NANOS3: variants seen among roughly 807,000 people sequenced by gnomAD.
NANOS3 encodes the protein nanos homolog 3.
In NANOS3, 11 loss-of-function variants were observed where a neutral mutation model predicts 13.8. The ratio of observed to expected loss-of-function variants is 0.80; its 90% CI spans 0.50 to 1.32. The LOEUF (loss-of-function observed/expected upper bound fraction) is 1.32, where lower values mean the gene tolerates loss of function less well. NANOS3 is among the 40% of genes most tolerant of loss of function. The pLI, the probability that NANOS3 is intolerant of heterozygous loss-of-function variation, is 0.00. For synonymous variants in NANOS3, 119 were observed against 115.4 expected, an observed-to-expected ratio of 1.03 and a Z score of -0.20; for missense variants, 221 against 263.8, an observed-to-expected ratio of 0.84 and a Z score of 1.12.
At chr19:13,862,894 C>G (rs1259195899), upstream of NANOS3, among the ~76,000 whole-genome samples, 2 of 152,232 alleles carry the variant, frequency 1.3e-5, no homozygotes, top group Non-Finnish European at 2.9e-5. Flanking sequence ...CCATCTGGGC[C>G]TCGGTTGCCC....
chr19:13,865,184 AG>A (rs1249666500), upstream of NANOS3, among the ~76,000 whole-genome samples: 4 of 144,450 alleles, frequency 2.8e-5, no homozygotes, highest in African/African-American at 1.0e-4. Context: ...GGGAGGAGGG[AG>A]GGGGCGGCGG....
upstream of NANOS3, chr19:13,875,151 G>A (rs1490262676): frequency 3.3e-6 from 1 of 304,636 alleles, no homozygotes; most frequent in Non-Finnish European, 6.7e-6. Flanking sequence ...TTAGAGGGTT[G>A]GGGGTAAACA....
At chr19:13,874,062 C>G (rs1284333958), upstream of NANOS3, among the ~76,000 whole-genome samples, 1 of 152,148 alleles carries the variant, frequency 6.6e-6, no homozygotes, top group Non-Finnish European at 1.5e-5. Context: ...CGGAAGTGCC[C>G]GAGTTCAGAT....
At chr19:13,879,238 C>T (rs915684571) in intron 1 of NANOS3, among the ~76,000 whole-genome samples, 1 of 151,256 alleles carries the variant, frequency 6.6e-6, no homozygotes, top group Non-Finnish European at 1.5e-5. Context: ...CATGCCTGGC[C>T]CCCAGTGAGG....
At position 13,872,071 on chromosome 19, in the gene NANOS3, G is replaced by T. The variant is rs113673395; in HGVS notation, n.22-5597G>T. Among the ~76,000 whole-genome samples, 577 of 150,892 alleles carry T rather than the reference G, an allele frequency of 3.8e-3. 1 individual carries two copies. The highest frequency in any genetic ancestry group is 6.8e-3 in the Non-Finnish European group (463 of 67,764). ...GATTTTTCTTTTTTAAAGAAACGGG[G>T]TTTTAAAGAACCACTGCTGGGTGCC... is the stretch of plus-strand genomic sequence containing the variant. On this transcript the variant is annotated intron_variant and non_coding_transcript_variant, in intron 1 of 2. Coordinates refer to the NANOS3 transcript ENST00000591161.
intron 1 of NANOS3, among the ~76,000 whole-genome samples, chr19:13,880,177 A>G (rs75124669): frequency 0.011 from 1,652 of 152,262 alleles, 35 homozygotes; most frequent in African/African-American, 0.038. Flanking sequence ...AACTTTTGGG[A>G]GTAACAGATC....
At position 13,866,888 on chromosome 19, in the gene NANOS3, TAC is replaced by T. The variant is rs538019819; in HGVS notation, n.21+1463_21+1464del. On this transcript the variant is annotated intron_variant and non_coding_transcript_variant, in intron 1 of 2. Coordinates refer to the NANOS3 transcript ENST00000591161. ...GTCACCCCCACCACACACACACACA[TAC>T]ACACACACACAGACGGTACAAGGCC... 3.9e-4 allele frequency among the ~76,000 whole-genome samples: 59 copies of T among 151,384 alleles called. No individual in the cohort carries two copies. In the South Asian group the frequency reaches 4.8e-3, roughly 12 times the overall value.
At chr19:13,864,712 T>G (rs140660359), upstream of NANOS3, among the ~76,000 whole-genome samples, 2,341 of 152,156 alleles carry the variant, frequency 0.015, 69 homozygotes, top group African/African-American at 0.054. Context: ...GAGCTGTGCG[T>G]GCCCGGGGTT....
upstream of NANOS3, among the ~76,000 whole-genome samples, chr19:13,872,997 G>A (rs1009820598): frequency 2.0e-5 from 3 of 151,764 alleles, no homozygotes; most frequent in Non-Finnish European, 2.9e-5. Flanking sequence ...GCCCGGTCGG[G>A]GCGGACCTTA....
intron 1 of NANOS3, among the ~76,000 whole-genome samples, chr19:13,878,372 G>A (rs940800767): frequency 6.7e-6 from 1 of 149,846 alleles, no homozygotes; most frequent in Admixed American, 6.7e-5. Flanking sequence ...CTGAGAAGCT[G>A]AGATTACAGG....
intron 1 of NANOS3, among the ~76,000 whole-genome samples, chr19:13,866,316 G>A (rs1193018665): frequency 2.6e-5 from 4 of 151,642 alleles, no homozygotes; most frequent in Admixed American, 2.0e-4. Flanking sequence ...GGACTGAGAC[G>A]TCCCCCCCAC....
upstream of NANOS3, among the ~76,000 whole-genome samples, chr19:13,873,873 T>C (rs1351819845): frequency 8.0e-6 from 1 of 124,936 alleles, no homozygotes; most frequent in Non-Finnish European, 1.7e-5. Flanking sequence ...GGGTGGGAGA[T>C]AGGGGTGCGT....
chr19:13,876,490 G>A (rs1472915305), upstream of NANOS3, among the ~76,000 whole-genome samples: 1 of 152,162 alleles, frequency 6.6e-6, no homozygotes, highest in African/African-American at 2.4e-5. Context: ...TAACTGGATG[G>A]GCAGGTGGCT....
upstream of NANOS3, among the ~76,000 whole-genome samples, chr19:13,864,148 G>C (rs1372767076): frequency 5.9e-5 from 9 of 152,046 alleles, no homozygotes; most frequent in African/African-American, 2.2e-4. Flanking sequence ...GGGGCAGTGT[G>C]TGGAGCCTCA....
intron 1 of NANOS3, among the ~76,000 whole-genome samples, chr19:13,878,952 A>G (rs1968574549): frequency 8.0e-6 from 1 of 124,732 alleles, no homozygotes; most frequent in South Asian, 2.5e-4. Flanking sequence ...TTATTTGATT[A>G]TTTTTCTGAG....
At chr19:13,873,792 C>T (rs1968446071), upstream of NANOS3, among the ~76,000 whole-genome samples, 1 of 152,064 alleles carries the variant, frequency 6.6e-6, no homozygotes, top group Admixed American at 6.6e-5. Flanking sequence ...CCTTCCTAGG[C>T]CGTCCGCAGA....
upstream of NANOS3, among the ~76,000 whole-genome samples, chr19:13,863,650 C>G (rs1171892821): frequency 6.6e-6 from 1 of 152,178 alleles, no homozygotes; most frequent in Non-Finnish European, 1.5e-5. Flanking sequence ...AACTCCCATT[C>G]TCTCCCCTGC....
chr19:13,868,748 G>C (rs186331709), intron 1 of NANOS3, among the ~76,000 whole-genome samples: 3 of 151,636 alleles, frequency 2.0e-5, no homozygotes, highest in Non-Finnish European at 4.4e-5. Flanking sequence ...GGAATGGGAT[G>C]GGGGGGACAC....
chr19:13,864,961 C>T (rs372963735), upstream of NANOS3, among the ~76,000 whole-genome samples: 428 of 152,168 alleles, frequency 2.8e-3, 5 homozygotes, highest in African/African-American at 9.8e-3. Flanking sequence ...TGCCTTTGTG[C>T]GCGTGTGCTC....
Sources: gnomAD v4.1 joint callset for allele counts (sites outside exome capture counted in the v4.1 genomes callset) on GRCh38, gnomAD v4.1.1 for gene constraint, MANE v1.5 for transcripts, NCBI Gene and HGNC (gene_info 2026-07-23, HGNC 2026-07-21) for gene names.